Variants in FOXP1 observed in about 807,000 individuals in gnomAD.
The protein encoded by FOXP1 is forkhead box P1, also known as forkhead box protein P1.
Under a neutral mutation model 98.2 loss-of-function variants are expected in FOXP1, and 15 were observed. That is an observed-to-expected ratio of 0.15 (90% CI 0.10 to 0.24). The LOEUF is 0.24. Among genes scored for constraint, FOXP1 ranks in the 10% least tolerant of loss-of-function variants. FOXP1 has a pLI of 1.00. For missense variants in FOXP1, 633 were observed against 848.5 expected (o/e 0.75, Z 3.15); for synonymous variants, 371 against 314.5 (o/e 1.18, Z -1.90).
At chr3:71,227,016 T>C (rs2065895988) in intron 5 of FOXP1, among the ~76,000 whole-genome samples, 1 of 152,066 alleles carries the variant, frequency 6.6e-6, no homozygotes, top group Non-Finnish European at 1.5e-5. Context: ...TTGGTCTTCG[T>C]GGTAATGGCG....
intron 17 of FOXP1, among the ~76,000 whole-genome samples, chr3:70,976,416 T>C (rs1023046442): frequency 2.0e-5 from 3 of 152,258 alleles, no homozygotes; most frequent in South Asian, 2.1e-4. Context: ...TAATAATACA[T>C]TGTGTTCTCC....
chr3:71,009,687 G>A (rs943346292), intron 12 of FOXP1, among the ~76,000 whole-genome samples: 1 of 152,034 alleles, frequency 6.6e-6, no homozygotes, highest in Non-Finnish European at 1.5e-5. Flanking sequence ...AAGTTCTAAC[G>A]CTTTTAAAGA....
intron 3 of FOXP1, among the ~76,000 whole-genome samples, chr3:71,381,340 C>T (rs1226910962): frequency 2.6e-5 from 4 of 151,438 alleles, no homozygotes; most frequent in Admixed American, 2.0e-4. Context: ...TTAGTAGAGA[C>T]GGGGTTTTAT....
rs542666777 is a variant in FOXP1, at chr3:71,542,447, T to C, written c.-298+39102A>G. 1.5e-3 allele frequency among the ~76,000 whole-genome samples: 232 copies of C among 152,354 alleles called. 2 individuals are homozygous for C. Among genetic ancestry groups the C allele is most frequent in the Middle Eastern group, 3.4e-3 (1 of 294 alleles). On this transcript the variant is annotated intron_variant, in intron 2 of 20. Coordinates refer to ENST00000649528, the MANE Select transcript of FOXP1 (RefSeq NM_001349338.3). ...GCGATCGAAATCTCGTTTTTATAGC[T>C]GCTATCTTGATGCAATTAGTGTAAA... is the stretch of plus-strand genomic sequence containing the variant.
intron 2 of FOXP1, among the ~76,000 whole-genome samples, chr3:71,519,766 T>C (rs2042845056): frequency 6.6e-6 from 1 of 152,274 alleles, no homozygotes; most frequent in Non-Finnish European, 1.5e-5. Flanking sequence ...GTACTTTAAA[T>C]GACAAACTGT....
intron 2 of FOXP1, among the ~76,000 whole-genome samples, chr3:71,569,785 CTT>C (rs796572529): frequency 9.1e-5 from 13 of 142,136 alleles, no homozygotes; most frequent in Non-Finnish European, 1.1e-4. Context: ...TCTCCACTTT[CTT>C]TTTTTTTTTT....
intron 3 of FOXP1, among the ~76,000 whole-genome samples, chr3:71,429,496 G>GC: frequency 8.3e-6 from 1 of 120,092 alleles, no homozygotes; most frequent in Admixed American, 8.7e-5. Flanking sequence ...GGGGGCGGGA[G>GC]GGGGGGTACT....
intron 12 of FOXP1, among the ~76,000 whole-genome samples, chr3:71,011,988 A>G (rs2043720659): frequency 6.6e-6 from 1 of 152,126 alleles, no homozygotes; most frequent in African/African-American, 2.4e-5. Context: ...CCTAATTGTC[A>G]GCTCACATAA....
intron 7 of FOXP1, among the ~76,000 whole-genome samples, chr3:71,066,373 A>T (rs1427699404): frequency 1.3e-5 from 2 of 152,192 alleles, no homozygotes; most frequent in Non-Finnish European, 2.9e-5. Context: ...TTCACCCTAA[A>T]GTGTTTTTGT....
At chr3:71,427,262 T>G (rs1270630551) in intron 3 of FOXP1, among the ~76,000 whole-genome samples, 2 of 152,040 alleles carry the variant, frequency 1.3e-5, no homozygotes, top group Non-Finnish European at 2.9e-5. Context: ...AATCCATGGC[T>G]GCAGAATACA....
chr3:71,005,404 T>G (rs2107649050), intron 12 of FOXP1, among the ~76,000 whole-genome samples: 1 of 149,622 alleles, frequency 6.7e-6, no homozygotes, highest in Non-Finnish European at 1.5e-5. Flanking sequence ...AATGCTAACT[T>G]CAGTTGATTT....
At chr3:71,253,288 T>A (rs371736188) in intron 5 of FOXP1, among the ~76,000 whole-genome samples, 1 of 152,210 alleles carries the variant, frequency 6.6e-6, no homozygotes, top group African/African-American at 2.4e-5. Flanking sequence ...TTAGGGTAGA[T>A]AAAGAACCAT....
At chr3:71,226,945 C>T (rs2065889861) in intron 5 of FOXP1, among the ~76,000 whole-genome samples, 1 of 152,178 alleles carries the variant, frequency 6.6e-6, no homozygotes, top group Admixed American at 6.5e-5. Context: ...ACAGTCCCCT[C>T]TGATGACAGG....
At chr3:71,460,882 T>C (rs1007255477) in intron 3 of FOXP1, among the ~76,000 whole-genome samples, 4 of 152,144 alleles carry the variant, frequency 2.6e-5, no homozygotes, top group African/African-American at 9.7e-5. Flanking sequence ...GAAAGAACAA[T>C]GTGGAGAATT....
At chr3:71,044,931 T>C (rs931262058) in intron 10 of FOXP1, among the ~76,000 whole-genome samples, 7 of 152,160 alleles carry the variant, frequency 4.6e-5, no homozygotes, top group African/African-American at 1.4e-4. Flanking sequence ...AACCTCATAA[T>C]GACATCAGTT....
chr3:71,051,092 A>G (rs565267328), intron 9 of FOXP1, among the ~76,000 whole-genome samples: 2 of 152,312 alleles, frequency 1.3e-5, no homozygotes, highest in South Asian at 4.1e-4. Flanking sequence ...TGAATTAGAA[A>G]AACAGCCAGC....
chr3:71,011,605 C>CATTT (rs1231208847), intron 12 of FOXP1, among the ~76,000 whole-genome samples: 4 of 152,152 alleles, frequency 2.6e-5, no homozygotes, highest in African/African-American at 9.7e-5. Context: ...TATCATCCCT[C>CATTT]ATTTATTTAT....
At chr3:71,550,776 T>C (rs566302402) in intron 2 of FOXP1, among the ~76,000 whole-genome samples, 59 of 152,310 alleles carry the variant, frequency 3.9e-4, no homozygotes, top group Non-Finnish European at 7.9e-4. Flanking sequence ...AAAAAGAGAA[T>C]TTCTTTAGCT....
intron 4 of FOXP1, among the ~76,000 whole-genome samples, chr3:71,352,211 A>G (rs1293688997): frequency 6.6e-6 from 1 of 152,140 alleles, no homozygotes; most frequent in East Asian, 1.9e-4. Context: ...CATGCCTGTA[A>G]TCTCAGCACT....
Sources: gnomAD v4.1 joint callset for allele counts (sites outside exome capture counted in the v4.1 genomes callset) on GRCh38, gnomAD v4.1.1 for gene constraint, MANE v1.5 for transcripts, NCBI Gene and HGNC (gene_info 2026-07-23, HGNC 2026-07-21) for gene names.